Variants in ALG6 observed in about 807,000 individuals in gnomAD.
ALG6 encodes the protein ALG6 alpha-1,3-glucosyltransferase, also known as dolichyl pyrophosphate Man9GlcNAc2 alpha-1,3-glucosyltransferase.
Under a neutral mutation model 66.6 loss-of-function variants are expected in ALG6, and 46 were observed. That is an observed-to-expected ratio of 0.69 (90% CI 0.55 to 0.88). The LOEUF (loss-of-function observed/expected upper bound fraction) is 0.88. ALG6 is among the 40% of genes least tolerant of loss of function. The pLI, the probability that ALG6 is intolerant of heterozygous loss-of-function variation, is 0.00. For synonymous variants in ALG6, 185 were observed against 203.7 expected (o/e 0.91, Z 0.78); for missense variants, 505 against 586.8 (o/e 0.86, Z 1.44).
intron 9 of ALG6, 172 bp from the exon 10 acceptor site, chr1:63,413,887 TGA>T: frequency 1.9e-6 from 1 of 536,622 alleles, no homozygotes; most frequent in Non-Finnish European, 3.3e-6. Context: ...GAAAAATGCT[TGA>T]GACAGTGTAT....
rs1287725303 is a variant in ALG6, at chr1:63,371,030, G to A, written c.53G>A (p.Arg18Gln). 2.4e-5 allele frequency: 38 copies of A among 1,609,534 alleles called. No homozygotes were observed. Among genetic ancestry groups the A allele is most frequent in the Non-Finnish European group, 3.0e-5 (35 of 1,176,182 alleles). ...GTGGTTTTAATAGGACTAACAGTACGATGGACAGTGTCTCTTAATTCTTAT... is the reference window on the plus strand; with the variant it reads ...GTGGTTTTAATAGGACTAACAGTACAATGGACAGTGTCTCTTAATTCTTAT... ...TVVVLIGLTV[R>Q]WTVSLNSYSG... is the part of the protein sequence containing the mutation. The change falls in exon 2 of 15, where the codon CGA becomes CAA. Residue 18 changes from arginine (R) to glutamine (Q), a missense_variant. Coordinates refer to ENST00000263440, the MANE Select transcript of ALG6 (RefSeq NM_013339.4).
chr1:63,402,460 ATTTTTTT>A (rs760751565), intron 4 of ALG6, 117 bp downstream of exon 4: 36 of 262,768 alleles, frequency 1.4e-4, no homozygotes, highest in East Asian at 3.5e-4. Flanking sequence ...CTGCTATTGT[ATTTTTTT>A]TTTTTTTTTT....
At chr1:63,422,222 T>TAAAG (rs1349913755) in intron 12 of ALG6, among the ~76,000 whole-genome samples, 5 of 57,446 alleles carry the variant, frequency 8.7e-5, no homozygotes, top group Non-Finnish European at 1.4e-4. Context: ...TATATATTTA[T>TAAAG]ATAAATATAA....
At chr1:63,436,137 G>T (rs1644677412) in intron 14 of ALG6, among the ~76,000 whole-genome samples, 1 of 152,048 alleles carries the variant, frequency 6.6e-6, no homozygotes, top group Non-Finnish European at 1.5e-5. Context: ...TCACAGATGG[G>T]TTCTCAAGGT....
chr1:63,407,790 G>C (rs1644496254), intron 7 of ALG6, among the ~76,000 whole-genome samples: 1 of 148,062 alleles, frequency 6.8e-6, no homozygotes, highest in Admixed American at 6.9e-5. Context: ...TTTGATGCCA[G>C]TCTTGTTTTA....
At chr1:63,427,049 G>A (rs1257016519) in intron 12 of ALG6, among the ~76,000 whole-genome samples, 1 of 152,094 alleles carries the variant, frequency 6.6e-6, no homozygotes, top group African/African-American at 2.4e-5. Flanking sequence ...TCACCAGGCT[G>A]GAGTGCAGTG....
At chr1:63,399,263 G>T (rs1644431347) in intron 3 of ALG6, among the ~76,000 whole-genome samples, 1 of 152,208 alleles carries the variant, frequency 6.6e-6, no homozygotes. Flanking sequence ...GAGGCAGTCT[G>T]TCTAGTATAT....
intron 8 of ALG6, among the ~76,000 whole-genome samples, chr1:63,411,607 C>T (rs1017449206): frequency 9.2e-5 from 14 of 152,110 alleles, no homozygotes; most frequent in African/African-American, 3.4e-4. Context: ...TTAGAGCTTA[C>T]TACATTATAT....
At chr1:63,381,250 C>G (rs915998643) in intron 2 of ALG6, among the ~76,000 whole-genome samples, 21 of 152,276 alleles carry the variant, frequency 1.4e-4, no homozygotes, top group African/African-American at 4.3e-4. Context: ...GTCAGGAGAT[C>G]AAGACCATCC....
At chr1:63,419,586 G>T in intron 12 of ALG6, 146 bp downstream of exon 12, 2 of 663,468 alleles carry the variant, frequency 3.0e-6, no homozygotes, top group Non-Finnish European at 4.6e-6. Context: ...TTTTTTTCCA[G>T]AATTTTTGAT....
rs1644692258 is a variant in ALG6 at position 63,437,559 on chromosome 1, G to T, written c.*539G>T. On this transcript the variant is annotated 3_prime_UTR_variant, in exon 15 of 15. Coordinates refer to ENST00000263440, the MANE Select transcript of ALG6 (RefSeq NM_013339.4). ...ATTTGTGATAATCTTTTTAATTACTGAGAAGGCAATTTAAACTGCTTGAAG... is the reference window on the plus strand; with the variant it reads ...ATTTGTGATAATCTTTTTAATTACTTAGAAGGCAATTTAAACTGCTTGAAG... 6.5e-6 allele frequency: 1 copy of T among 153,082 alleles called. No individual in the cohort carries two copies. Among genetic ancestry groups the T allele is most frequent in the South Asian group, 2.0e-4 (1 of 4,882 alleles). The allele number at this position is 153,082 out of a possible 1,614,324, so 9.5% of individuals were successfully genotyped here.
Position 63,371,627 on chromosome 1 carries a change from C to G in ALG6, c.82+568C>G, listed in dbSNP as rs370879458. Among the ~76,000 whole-genome samples the G allele has an allele frequency of 1.3e-4, 20 of 151,192 alleles. No homozygotes were observed. The East Asian group carries it at 3.7e-3, about 28-fold the overall frequency. ...TTTATTTTATTTTATTTTTTTGATA[C>G]GGAGCCTCGCTGTGTCGCCCAGGCT... is the stretch of plus-strand genomic sequence containing the variant. On this transcript the variant is annotated intron_variant, in intron 2 of 14. Transcript: ENST00000263440.
chr1:63,375,410 ATTTTTT>A (rs766565038), intron 2 of ALG6, among the ~76,000 whole-genome samples: 6 of 77,068 alleles, frequency 7.8e-5, no homozygotes, highest in African/African-American at 2.0e-4. Context: ...CACCCCCGGC[ATTTTTT>A]TTTTTTTTTT....
At position 63,408,854 on chromosome 1, in the gene ALG6, G is replaced by A. The variant is rs529913653; in HGVS notation, c.494+1728G>A. Among the ~76,000 whole-genome samples the A allele has an allele frequency of 3.9e-5, 6 of 152,212 alleles. No individual in the cohort carries two copies. In the South Asian group the frequency reaches 1.0e-3, roughly 26 times the overall value. ...GAATGCAATGGCGTGATTTTGGCTC[G>A]CTGCAACCTCTGCCTCCTGGGTTCA... is the stretch of plus-strand genomic sequence containing the variant. On this transcript the variant is annotated intron_variant, in intron 7 of 14. Coordinates refer to ENST00000263440, the MANE Select transcript of ALG6 (RefSeq NM_013339.4).
intron 14 of ALG6, among the ~76,000 whole-genome samples, chr1:63,431,161 C>T (rs940327605): frequency 2.6e-5 from 4 of 152,114 alleles, no homozygotes; most frequent in Non-Finnish European, 5.9e-5. Flanking sequence ...GGGTTTATTT[C>T]TGGAATCTCA....
intron 3 of ALG6, 61 bp downstream of exon 3, chr1:63,396,658 A>G (rs1462284711): frequency 7.0e-7 from 1 of 1,418,626 alleles, no homozygotes; most frequent in African/African-American, 1.4e-5. Flanking sequence ...GTTTGAAAAT[A>G]TTAAAGGGAC....
intron 5 of ALG6, 31 bp from the exon 6 acceptor site, chr1:63,406,286 C>G: frequency 6.3e-7 from 1 of 1,583,618 alleles, no homozygotes; most frequent in South Asian, 1.1e-5. Context: ...CTGATGGACT[C>G]ATGTTTAAAG....
intron 2 of ALG6, among the ~76,000 whole-genome samples, chr1:63,380,552 T>G (rs148947649): frequency 6.6e-6 from 1 of 152,340 alleles, no homozygotes; most frequent in East Asian, 1.9e-4. Flanking sequence ...CCAGTTTTCC[T>G]TTTGTCTCCT....
At chr1:63,377,981 GA>G (rs1429354304) in intron 2 of ALG6, among the ~76,000 whole-genome samples, 1 of 152,156 alleles carries the variant, frequency 6.6e-6, no homozygotes, top group Admixed American at 6.6e-5. Flanking sequence ...GCTCAAGGGG[GA>G]TCCTCCCACC....
Sources: allele counts gnomAD v4.1 joint callset (sites outside exome capture counted in the v4.1 genomes callset), GRCh38; gene constraint gnomAD v4.1.1; transcripts MANE v1.5; gene names NCBI Gene and HGNC (gene_info 2026-07-23, HGNC 2026-07-21).